The following TMEM229B variants were observed in gnomAD, a reference collection of about 807,000 sequenced individuals.
TMEM229B encodes transmembrane protein 229B.
Under a neutral mutation model 13.7 loss-of-function variants are expected in TMEM229B, and 6 were observed. The observed-to-expected ratio is 0.44, with a 90% CI of 0.24 to 0.86. The LOEUF (loss-of-function observed/expected upper bound fraction) is 0.86, where lower values mean the gene tolerates loss of function less well. TMEM229B is among the 40% of genes least tolerant of loss of function. TMEM229B has a pLI of 0.23. For synonymous variants in TMEM229B, 107 were observed against 102.1 expected (o/e 1.05, Z -0.29); for missense variants, 170 against 236.0 (o/e 0.72, Z 1.83).
At chr14:67,519,541 G>A (rs560208986), upstream of TMEM229B, among the ~76,000 whole-genome samples, 8 of 152,228 alleles carry the variant, frequency 5.3e-5, no homozygotes, top group African/African-American at 1.7e-4. Flanking sequence ...GGATACTCTG[G>A]TGTAAGCCCT....
At chr14:67,517,151 C>A (rs7161368), upstream of TMEM229B, among the ~76,000 whole-genome samples, 1 of 151,968 alleles carries the variant, frequency 6.6e-6, no homozygotes, top group African/African-American at 2.4e-5. Flanking sequence ...CAGGGACACG[C>A]TGGCAAGAAG....
At chr14:67,523,740 C>T (rs1368268004) in intron 1 of TMEM229B, among the ~76,000 whole-genome samples, 1 of 152,192 alleles carries the variant, frequency 6.6e-6, no homozygotes, top group East Asian at 1.9e-4. Flanking sequence ...AAAGATTCTG[C>T]CTTTCTTTCT....
intron 1 of TMEM229B, among the ~76,000 whole-genome samples, chr14:67,504,722 TA>T (rs1323464435): frequency 1.3e-5 from 2 of 152,132 alleles, no homozygotes; most frequent in African/African-American, 4.8e-5. Flanking sequence ...CTGTCTCTAC[TA>T]AAAATACAAA....
At chr14:67,515,804 G>A (rs975060126), upstream of TMEM229B, among the ~76,000 whole-genome samples, 2 of 149,340 alleles carry the variant, frequency 1.3e-5, no homozygotes, top group Admixed American at 1.3e-4. Context: ...ACCACGTGGT[G>A]TGGCAGACCC....
chr14:67,513,757 G>C (rs1318799874), intron 1 of TMEM229B, among the ~76,000 whole-genome samples: 1 of 152,164 alleles, frequency 6.6e-6, no homozygotes, highest in African/African-American at 2.4e-5. Context: ...GTCTCACAGG[G>C]AAGCAGATGT....
At chr14:67,474,454 C>A (rs2031041733) in intron 2 of TMEM229B, among the ~76,000 whole-genome samples, 1 of 152,168 alleles carries the variant, frequency 6.6e-6, no homozygotes. Flanking sequence ...TTGCTGATTT[C>A]TCAGCAGGCC....
intron 1 of TMEM229B, among the ~76,000 whole-genome samples, chr14:67,531,683 G>A (rs894802780): frequency 2.0e-5 from 3 of 150,576 alleles, no homozygotes; most frequent in Non-Finnish European, 4.4e-5. Context: ...GGGAGGCCGA[G>A]GCAGGAGGAT....
chr14:67,477,634 C>G (rs1331771001), intron 2 of TMEM229B, among the ~76,000 whole-genome samples: 1 of 152,164 alleles, frequency 6.6e-6, no homozygotes, highest in African/African-American at 2.4e-5. Context: ...TTTCCTAAAT[C>G]AAACCCATGG....
intron 2 of TMEM229B, among the ~76,000 whole-genome samples, chr14:67,477,065 C>T (rs1461394681): frequency 6.6e-6 from 1 of 151,918 alleles, no homozygotes; most frequent in African/African-American, 2.4e-5. Context: ...ACTTAGGAGG[C>T]TGAGACAGGA....
chr14:67,474,560 T>TTG (rs1288706526), intron 2 of TMEM229B, among the ~76,000 whole-genome samples: 1 of 152,098 alleles, frequency 6.6e-6, no homozygotes, highest in African/African-American at 2.4e-5. Flanking sequence ...ACATTTGTCC[T>TTG]TGTGTGTGTG....
At chr14:67,501,084 T>TAAA (rs1555360702) in intron 1 of TMEM229B, among the ~76,000 whole-genome samples, 2 of 141,840 alleles carry the variant, frequency 1.4e-5, no homozygotes, top group Non-Finnish European at 3.1e-5. Context: ...ATAATAATAA[T>TAAA]AAAGAAAATG....
chr14:67,483,263 G>A (rs913304949), intron 2 of TMEM229B, among the ~76,000 whole-genome samples: 12 of 152,066 alleles, frequency 7.9e-5, no homozygotes, highest in Admixed American at 3.3e-4. Flanking sequence ...TGCCTGCCTC[G>A]GCCTCCCAAA....
intron 1 of TMEM229B, among the ~76,000 whole-genome samples, chr14:67,530,291 A>T (rs115484130): frequency 6.6e-6 from 1 of 152,194 alleles, no homozygotes; most frequent in Non-Finnish European, 1.5e-5. Flanking sequence ...TATTATCATC[A>T]TTATTTTACA....
At chr14:67,475,613 T>C (rs2031137677) in intron 2 of TMEM229B, among the ~76,000 whole-genome samples, 1 of 152,228 alleles carries the variant, frequency 6.6e-6, no homozygotes, top group Non-Finnish European at 1.5e-5. Flanking sequence ...GGTTCTCTCA[T>C]TGTGGTCACA....
chr14:67,527,929 G>A (rs1408097040), intron 1 of TMEM229B, among the ~76,000 whole-genome samples: 1 of 152,176 alleles, frequency 6.6e-6, no homozygotes, highest in Non-Finnish European at 1.5e-5. Context: ...GGAGGTCAAG[G>A]AGCATGAAGA....
At chr14:67,498,609 G>C (rs1566690305) in intron 1 of TMEM229B, among the ~76,000 whole-genome samples, 1 of 152,224 alleles carries the variant, frequency 6.6e-6, no homozygotes, top group Non-Finnish European at 1.5e-5. Flanking sequence ...GGAATGAGCA[G>C]AATTAGGGTG....
chr14:67,473,814 A>G lies in TMEM229B; in HGVS notation c.110T>C (p.Leu37Ser), dbSNP rs748850475. 3 of 1,613,868 alleles carry G rather than the reference A, an allele frequency of 1.9e-6. No homozygotes were observed. Among genetic ancestry groups the G allele is most frequent in the Non-Finnish European group, 2.5e-6 (3 of 1,179,930 alleles). ...FTAAWEFVVNLNWKFPGVTSV... is the reference protein window; with the variant it reads ...FTAAWEFVVNSNWKFPGVTSV... ...CGTGACCCCAGGGAACTTCCAGTTC[A>G]AGTTCACCACGAACTCCCAGGCCGC... is the stretch of plus-strand genomic sequence containing the variant. The change falls in exon 3 of 3, where the codon TTG (leucine) becomes TCG (serine). Residue 37 changes from leucine to serine, a missense_variant. By Grantham distance (145) the Leu-to-Ser change is moderately radical. Around this residue, in one of 4 missense-constraint regions of TMEM229B, gnomAD observed 36 missense variants for 83.8 expected, o/e 0.43. Transcript: ENST00000554480. This position sits in a 1 kb window ranked among gnomAD's most constrained non-coding sequence, Gnocchi z 6.5.
intron 1 of TMEM229B, among the ~76,000 whole-genome samples, chr14:67,512,255 C>T (rs2033052846): frequency 6.6e-6 from 1 of 152,180 alleles, no homozygotes. Flanking sequence ...TGCCCCCCTC[C>T]TACCCCTTCC....
At chr14:67,513,460 G>A (rs1045122237) in intron 1 of TMEM229B, among the ~76,000 whole-genome samples, 11 of 152,156 alleles carry the variant, frequency 7.2e-5, no homozygotes, top group African/African-American at 2.4e-4. Flanking sequence ...TGGAACCTCC[G>A]TTGCTCCTGT....
Sources: gnomAD v4.1 joint callset for allele counts (sites outside exome capture counted in the v4.1 genomes callset) on GRCh38, gnomAD v4.1.1 for gene constraint, gnomAD v4.1.1 regional missense constraint, Gnocchi (gnomAD v3.1) non-coding constraint, MANE v1.5 for transcripts, NCBI Gene and HGNC (gene_info 2026-07-23, HGNC 2026-07-21) for gene names.